RGL1: variants seen among roughly 807,000 people sequenced by gnomAD.
RGL1 encodes ral guanine nucleotide dissociation stimulator-like 1.
Under a neutral mutation model 95.2 loss-of-function variants are expected in RGL1, and 24 were observed. The observed-to-expected ratio is 0.25, with a 90% CI of 0.18 to 0.35. The LOEUF (loss-of-function observed/expected upper bound fraction) is 0.35. Among genes scored for constraint, RGL1 ranks in the 10% least tolerant of loss-of-function variants. The pLI is 1.00. For missense variants in RGL1, 715 were observed against 936.3 expected (o/e 0.76, Z 3.08); for synonymous variants, 329 against 344.9 (o/e 0.95, Z 0.51).
chr1:183,913,182 CTTTTTTTTTTTTTTTT>C (rs537751695), intron 15 of RGL1, among the ~76,000 whole-genome samples: 1 of 68,246 alleles, frequency 1.5e-5, no homozygotes, highest in South Asian at 6.2e-4. Flanking sequence ...GACCAGTCTT[CTTTTTTTTTTTTTTTT>C]TTTTTTTTTT....
At chr1:183,688,456 AAGAG>A (rs57516940) in intron 1 of RGL1, among the ~76,000 whole-genome samples, 18 of 150,050 alleles carry the variant, frequency 1.2e-4, no homozygotes, top group Admixed American at 2.7e-4. Context: ...GGATCTACTG[AAGAG>A]AGAGAGAGAG....
chr1:183,897,738 G>A (rs1266439720), intron 9 of RGL1, 70 bp from the exon 10 acceptor site: 1 of 1,157,522 alleles, frequency 8.6e-7, no homozygotes, highest in Non-Finnish European at 1.3e-6. Context: ...CGAGAAACTA[G>A]ATGCCTCTTT....
At chr1:183,782,336 C>G (rs1246848154) in intron 2 of RGL1, among the ~76,000 whole-genome samples, 1 of 152,174 alleles carries the variant, frequency 6.6e-6, no homozygotes. Flanking sequence ...AAGATAGAAT[C>G]TTTTTTGCTA....
chr1:183,862,836 A>G (rs1314141691), intron 3 of RGL1, among the ~76,000 whole-genome samples: 3 of 152,250 alleles, frequency 2.0e-5, no homozygotes, highest in African/African-American at 7.2e-5. Context: ...TAGTGAGCAA[A>G]AAGAAAACAT....
intron 17 of RGL1, 113 bp downstream of exon 17, chr1:183,922,449 C>T: frequency 1.3e-6 from 1 of 788,258 alleles, no homozygotes; most frequent in African/African-American, 1.7e-5. Flanking sequence ...TTTATTGGGA[C>T]CTAGTGGTGG....
At chr1:183,646,326 A>G (rs1033643013) in intron 1 of RGL1, 1 of 152,164 alleles carries the variant, frequency 6.6e-6, no homozygotes, top group Non-Finnish European at 1.5e-5. Context: ...ACTAATTGCT[A>G]TTCCTAAAAT....
At chr1:183,789,424 T>C (rs951671758) in intron 2 of RGL1, among the ~76,000 whole-genome samples, 7 of 152,114 alleles carry the variant, frequency 4.6e-5, no homozygotes, top group African/African-American at 1.7e-4. Context: ...CACTCCAGCC[T>C]GGGCAACGAG....
At chr1:183,642,081 CA>C (rs1649960459) in intron 1 of RGL1, among the ~76,000 whole-genome samples, 1 of 152,136 alleles carries the variant, frequency 6.6e-6, no homozygotes, top group Non-Finnish European at 1.5e-5. Context: ...ATTCTAGTAG[CA>C]TATCTTAACT....
intron 1 of RGL1, among the ~76,000 whole-genome samples, chr1:183,734,079 C>T (rs919327739): frequency 1.3e-5 from 2 of 152,180 alleles, no homozygotes; most frequent in African/African-American, 4.8e-5. Context: ...ACAGATTGCT[C>T]TTTAACCTGA....
intron 1 of RGL1, among the ~76,000 whole-genome samples, chr1:183,661,736 C>T (rs1295155103): frequency 4.0e-5 from 6 of 150,454 alleles, no homozygotes; most frequent in South Asian, 2.1e-4. Flanking sequence ...ATATCAAAGC[C>T]GGGCAGAAGA....
At chr1:183,895,479 T>A (rs1043624765) in intron 9 of RGL1, among the ~76,000 whole-genome samples, 2 of 152,062 alleles carry the variant, frequency 1.3e-5, no homozygotes, top group Non-Finnish European at 2.9e-5. Context: ...AGATTTGGCA[T>A]TTATCCAAAC....
upstream of RGL1, among the ~76,000 whole-genome samples, chr1:183,801,294 T>A (rs974399359): frequency 1.3e-5 from 2 of 152,196 alleles, no homozygotes; most frequent in Non-Finnish European, 2.9e-5. Flanking sequence ...GTCGTTTGTA[T>A]GTCTTCTTAG....
chr1:183,848,357 A>C (rs985763012), intron 3 of RGL1, among the ~76,000 whole-genome samples: 4 of 152,224 alleles, frequency 2.6e-5, no homozygotes, highest in Non-Finnish European at 5.9e-5. Flanking sequence ...GTTAAACTTT[A>C]GATTTTCCTC....
At chr1:183,898,219 AAGCTGCTCCACCTT>A (rs1667813456) in intron 10 of RGL1, among the ~76,000 whole-genome samples, 1 of 152,126 alleles carries the variant, frequency 6.6e-6, no homozygotes, top group African/African-American at 2.4e-5. Context: ...CTGCACTTAG[AAGCTGCTCCACCTT>A]GGCCTGAGGG....
intron 14 of RGL1, among the ~76,000 whole-genome samples, chr1:183,909,088 A>G (rs1462176769): frequency 6.6e-6 from 1 of 152,294 alleles, no homozygotes; most frequent in East Asian, 1.9e-4. Context: ...TACTAGTAAA[A>G]TCTTGCTGGG....
chr1:183,849,280 T>C (rs1333601711), intron 3 of RGL1, among the ~76,000 whole-genome samples: 1 of 151,714 alleles, frequency 6.6e-6, no homozygotes, highest in Non-Finnish European at 1.5e-5. Context: ...TCTGCATATC[T>C]TGGAAATTTT....
At chr1:183,829,450 A>G (rs1304409196) in intron 2 of RGL1, among the ~76,000 whole-genome samples, 1 of 152,050 alleles carries the variant, frequency 6.6e-6, no homozygotes, top group Non-Finnish European at 1.5e-5. Context: ...AAAAAAAAAA[A>G]AAAAAAGTAG....
intron 1 of RGL1, among the ~76,000 whole-genome samples, chr1:183,673,673 T>C (rs968262541): frequency 1.2e-4 from 19 of 152,268 alleles, no homozygotes; most frequent in African/African-American, 4.6e-4. Context: ...CTTTGTTATA[T>C]TTAACAATTC....
intron 2 of RGL1, among the ~76,000 whole-genome samples, chr1:183,775,897 A>T (rs2102342092): frequency 6.6e-6 from 1 of 152,322 alleles, no homozygotes; most frequent in East Asian, 1.9e-4. Context: ...AGGTGGTAGT[A>T]ATAGTACCAT....
Sources: gnomAD v4.1 joint callset for allele counts (sites outside exome capture counted in the v4.1 genomes callset) on GRCh38, gnomAD v4.1.1 for gene constraint, MANE v1.5 for transcripts, NCBI Gene and HGNC (gene_info 2026-07-23, HGNC 2026-07-21) for gene names.